The following TPRG1 variants were observed in gnomAD, a reference collection of about 807,000 sequenced individuals.
The protein encoded by TPRG1 is tumor protein p63-regulated gene 1 protein.
A neutral mutation model predicts 29.3 loss-of-function variants in TPRG1; 29 were observed. That is an observed-to-expected ratio of 0.99 (90% CI 0.74 to 1.35). TPRG1 has a LOEUF of 1.35. TPRG1 is among the 40% of genes most tolerant of loss of function. The probability of loss-of-function intolerance (pLI) is 0.00; values close to 1 mark genes in which losing one functional copy is unlikely to be tolerated. For synonymous variants in TPRG1, 130 were observed against 116.8 expected, an observed-to-expected ratio of 1.11 and a Z score of -0.73; for missense variants, 327 against 335.0, an observed-to-expected ratio of 0.98 and a Z score of 0.19.
At chr3:189,307,427 A>G (rs1721808851) in intron 4 of TPRG1, among the ~76,000 whole-genome samples, 1 of 152,164 alleles carries the variant, frequency 6.6e-6, no homozygotes, top group South Asian at 2.1e-4. Context: ...GCTCATATTG[A>G]GTATATTTAA....
At chr3:189,161,180 C>T (rs6444357) in intron 5 of TPRG1, among the ~76,000 whole-genome samples, 83,085 of 150,528 alleles carry the variant, frequency 0.55, 25,530 homozygotes, top group African/African-American at 0.84. Flanking sequence ...TTGTCTTTTA[C>T]GACATACAAC....
chr3:189,018,900 A>G (rs1455359701), intron 3 of TPRG1, among the ~76,000 whole-genome samples: 1 of 150,276 alleles, frequency 6.7e-6, no homozygotes, highest in Non-Finnish European at 1.5e-5. Flanking sequence ...ATCCTCTTTT[A>G]TTTCCTTGAG....
intron 5 of TPRG1, among the ~76,000 whole-genome samples, chr3:189,316,338 T>G (rs1369426246): frequency 6.6e-6 from 1 of 152,176 alleles, no homozygotes; most frequent in African/African-American, 2.4e-5. Flanking sequence ...CAGTGTGACT[T>G]CTCAAGTGAT....
chr3:189,143,126 T>A (rs980150323), intron 3 of TPRG1, among the ~76,000 whole-genome samples: 1 of 152,084 alleles, frequency 6.6e-6, no homozygotes, highest in African/African-American at 2.4e-5. Flanking sequence ...GTTGTTCTGG[T>A]TTAATCCTAT....
At chr3:189,173,339 C>CTT (rs549433698) in intron 1 of TPRG1, among the ~76,000 whole-genome samples, 7,993 of 130,176 alleles carry the variant, frequency 0.061, 474 homozygotes, top group Admixed American at 0.15. Context: ...TTCTTTTCTT[C>CTT]TTCTTTTTTT....
intron 2 of TPRG1, among the ~76,000 whole-genome samples, chr3:189,209,053 GA>G: frequency 6.6e-6 from 1 of 152,196 alleles, no homozygotes; most frequent in East Asian, 1.9e-4. Flanking sequence ...AACTTATGAG[GA>G]AAAACTGGAA....
At chr3:189,038,285 C>G (rs1714410272) in intron 4 of TPRG1, among the ~76,000 whole-genome samples, 1 of 151,948 alleles carries the variant, frequency 6.6e-6, no homozygotes, top group Non-Finnish European at 1.5e-5. Flanking sequence ...AATTTTACTG[C>G]ATTTATGCCT....
At chr3:189,204,947 T>TCACACACACACACACACACACACACACA (rs35018569) in intron 1 of TPRG1, among the ~76,000 whole-genome samples, 1 of 147,068 alleles carries the variant, frequency 6.8e-6, no homozygotes, top group Non-Finnish European at 1.5e-5. Flanking sequence ...TCTCTCTCTC[T>TCACACACACACACACACACACACACACA]CACACACACA....
intron 4 of TPRG1, among the ~76,000 whole-genome samples, chr3:189,024,134 C>T (rs908452182): frequency 1.1e-4 from 16 of 152,270 alleles, no homozygotes; most frequent in Non-Finnish European, 7.3e-5. Flanking sequence ...CCCACCCTGC[C>T]CTCCAGGCAC....
intron 4 of TPRG1, among the ~76,000 whole-genome samples, chr3:189,031,308 AT>A (rs1713923890): frequency 6.6e-6 from 1 of 150,936 alleles, no homozygotes; most frequent in East Asian, 1.9e-4. Flanking sequence ...AAAAAGAAAA[AT>A]TAAAAGGGAC....
At chr3:189,160,811 C>T (rs138581285) in intron 5 of TPRG1, among the ~76,000 whole-genome samples, 111 of 152,322 alleles carry the variant, frequency 7.3e-4, no homozygotes, top group Middle Eastern at 3.4e-3. Flanking sequence ...AAATACTTAT[C>T]GTGTTCTTCA....
chr3:189,250,699 C>G (rs956109889), intron 4 of TPRG1, among the ~76,000 whole-genome samples: 2 of 147,930 alleles, frequency 1.4e-5, no homozygotes, highest in African/African-American at 5.0e-5. Flanking sequence ...TAATGGCAAG[C>G]TGACTCCAAA....
intron 4 of TPRG1, among the ~76,000 whole-genome samples, chr3:189,051,633 C>T (rs1578247518): frequency 6.6e-6 from 1 of 152,124 alleles, no homozygotes; most frequent in South Asian, 2.1e-4. Context: ...GCTCACATAG[C>T]CAAAGCAAGA....
intron 2 of TPRG1, among the ~76,000 whole-genome samples, chr3:189,130,454 C>T (rs1722981666): frequency 6.6e-6 from 1 of 152,196 alleles, no homozygotes; most frequent in African/African-American, 2.4e-5. Flanking sequence ...ATGGACCTTA[C>T]AGGTATAATC....
chr3:189,154,680 T>A (rs1440745916), intron 5 of TPRG1, among the ~76,000 whole-genome samples: 1 of 151,928 alleles, frequency 6.6e-6, no homozygotes, highest in Non-Finnish European at 1.5e-5. Context: ...TGACCTCAGG[T>A]GATCCACCCG....
chr3:189,002,171 G>T (rs1034869983), intron 2 of TPRG1, among the ~76,000 whole-genome samples: 1 of 152,170 alleles, frequency 6.6e-6, no homozygotes, highest in Admixed American at 6.5e-5. Flanking sequence ...CCTTAAATAT[G>T]CAGCGCGCTG....
chr3:189,153,633 T>C (rs1393860953), intron 5 of TPRG1, among the ~76,000 whole-genome samples: 1 of 152,152 alleles, frequency 6.6e-6, no homozygotes, highest in Non-Finnish European at 1.5e-5. Context: ...AACTGTTAGC[T>C]GCAGCACCTG....
chr3:189,028,404 T>C (rs1425735422), intron 4 of TPRG1, among the ~76,000 whole-genome samples: 3 of 152,198 alleles, frequency 2.0e-5, no homozygotes, highest in African/African-American at 7.2e-5. Flanking sequence ...ATTTCTTCTA[T>C]GGGGGACAGG....
intron 2 of TPRG1, among the ~76,000 whole-genome samples, chr3:189,003,391 T>C (rs772290005): frequency 1.3e-5 from 2 of 152,160 alleles, no homozygotes; most frequent in Non-Finnish European, 2.9e-5. Context: ...AAGTAGCCTA[T>C]CCTATCTCTA....
Sources: allele counts gnomAD v4.1 joint callset (sites outside exome capture counted in the v4.1 genomes callset), GRCh38; gene constraint gnomAD v4.1.1; transcripts MANE v1.5; gene names NCBI Gene and HGNC (gene_info 2026-07-23, HGNC 2026-07-21).